Variants in PPM1D observed in about 807,000 individuals in gnomAD.
The protein encoded by PPM1D is protein phosphatase 1D.
PPM1D carries 52 observed loss-of-function variants against 58.3 expected under a neutral mutation model. The observed-to-expected ratio is 0.89, with a 90% CI of 0.71 to 1.12. The LOEUF is 1.12. Among genes scored for constraint, PPM1D ranks in the 50% most tolerant of loss-of-function variants. The probability of loss-of-function intolerance (pLI) is 0.00; values close to 1 mark genes in which losing one functional copy is unlikely to be tolerated. For missense variants in PPM1D, 564 were observed against 777.2 expected, an observed-to-expected ratio of 0.73 and a Z score of 3.26; for synonymous variants, 278 against 285.1, an observed-to-expected ratio of 0.98 and a Z score of 0.25.
At chr17:60,626,108 A>T (rs1053447486) in intron 2 of PPM1D, among the ~76,000 whole-genome samples, 3 of 151,440 alleles carry the variant, frequency 2.0e-5, no homozygotes, top group Admixed American at 6.6e-5. Context: ...TTTATTTCTA[A>T]TTTTTTTTTG....
At chr17:60,602,812 A>G (rs1268178858) in intron 1 of PPM1D, among the ~76,000 whole-genome samples, 1 of 143,838 alleles carries the variant, frequency 7.0e-6, no homozygotes, top group Non-Finnish European at 1.5e-5. Context: ...TATGCTAATT[A>G]TTTTGGGAGT....
intron 5 of PPM1D, among the ~76,000 whole-genome samples, chr17:60,661,219 CAAAAAAAAA>C (rs373913706): frequency 2.0e-5 from 1 of 48,960 alleles, no homozygotes; most frequent in Non-Finnish European, 4.8e-5. Flanking sequence ...AACTCCATCT[CAAAAAAAAA>C]AAAAAAAAAA....
At chr17:60,607,576 C>T (rs2030357651) in intron 1 of PPM1D, among the ~76,000 whole-genome samples, 2 of 152,332 alleles carry the variant, frequency 1.3e-5, no homozygotes, top group Admixed American at 1.3e-4. Context: ...GTTGGGATTA[C>T]AGGCGTGAGC....
At chr17:60,636,867 G>A (rs1295165700) in intron 3 of PPM1D, among the ~76,000 whole-genome samples, 1 of 151,386 alleles carries the variant, frequency 6.6e-6, no homozygotes, top group Non-Finnish European at 1.5e-5. Context: ...TTGTAGAGAC[G>A]TCTCGCTTTG....
chr17:60,654,495 C>T (rs1374124805), intron 4 of PPM1D, among the ~76,000 whole-genome samples: 1 of 143,096 alleles, frequency 7.0e-6, no homozygotes, highest in African/African-American at 2.6e-5. Flanking sequence ...CAGAGTGAGA[C>T]CCTGTCTCAA....
At chr17:60,645,520 A>AGTATATATATG (rs2031223240) in intron 3 of PPM1D, among the ~76,000 whole-genome samples, 1 of 133,148 alleles carries the variant, frequency 7.5e-6, no homozygotes, top group African/African-American at 3.1e-5. Flanking sequence ...GTGTATATAT[A>AGTATATATATG]TGTATATATA....
chr17:60,627,990 C>T (rs1446951264), intron 2 of PPM1D, among the ~76,000 whole-genome samples: 1 of 151,650 alleles, frequency 6.6e-6, no homozygotes, highest in Non-Finnish European at 1.5e-5. Context: ...GGTTCTCAGC[C>T]TCCGGAGTAG....
intron 2 of PPM1D, among the ~76,000 whole-genome samples, chr17:60,629,216 A>G (rs1400384305): frequency 6.6e-6 from 1 of 152,226 alleles, no homozygotes; most frequent in African/African-American, 2.4e-5. Context: ...GTACATTTCT[A>G]TTCGGAAGCA....
intron 3 of PPM1D, 48 bp downstream of exon 3, chr17:60,634,025 T>C (rs372730054): frequency 7.0e-5 from 111 of 1,590,482 alleles, no homozygotes; most frequent in Non-Finnish European, 9.5e-5. Flanking sequence ...TTCTACAATA[T>C]ATGGTGGCAA....
At chr17:60,631,678 GT>G (rs1248387741) in intron 2 of PPM1D, among the ~76,000 whole-genome samples, 1 of 151,940 alleles carries the variant, frequency 6.6e-6, no homozygotes, top group Non-Finnish European at 1.5e-5. Flanking sequence ...CACCCACAAT[GT>G]TTTCTGGTCA....
chr17:60,630,219 AAAG>A (rs1261890145), intron 2 of PPM1D, among the ~76,000 whole-genome samples: 1 of 151,962 alleles, frequency 6.6e-6, no homozygotes, highest in African/African-American at 2.4e-5. Flanking sequence ...AATGAACAAA[AAAG>A]GAAATAATTA....
chr17:60,648,775 T>TTC (rs2031293688), intron 4 of PPM1D, among the ~76,000 whole-genome samples: 1 of 150,480 alleles, frequency 6.6e-6, no homozygotes, highest in African/African-American at 2.4e-5. Context: ...TTTTTTTTTT[T>TTC]CTGACTGTCT....
At chr17:60,644,732 C>T (rs945878882) in intron 3 of PPM1D, among the ~76,000 whole-genome samples, 2 of 152,156 alleles carry the variant, frequency 1.3e-5, no homozygotes, top group Admixed American at 6.5e-5. Context: ...AAAAGAACTA[C>T]TGGAATTAAT....
At chr17:60,660,783 C>T (rs2031512786) in intron 5 of PPM1D, among the ~76,000 whole-genome samples, 2 of 151,984 alleles carry the variant, frequency 1.3e-5, no homozygotes, top group Admixed American at 1.3e-4. Flanking sequence ...AAGGAAGCTT[C>T]TGGATGCCTT....
intron 5 of PPM1D, among the ~76,000 whole-genome samples, chr17:60,657,704 A>G (rs966955980): frequency 1.3e-5 from 2 of 152,156 alleles, no homozygotes; most frequent in African/African-American, 4.8e-5. Flanking sequence ...CAAAAACCAC[A>G]TATGGCCAGA....
At chr17:60,634,479 G>A (rs2030986233) in intron 3 of PPM1D, among the ~76,000 whole-genome samples, 1 of 152,112 alleles carries the variant, frequency 6.6e-6, no homozygotes, top group Non-Finnish European at 1.5e-5. Flanking sequence ...CACGTTCAAT[G>A]TTTTGCTAAT....
intron 1 of PPM1D, among the ~76,000 whole-genome samples, chr17:60,607,376 G>A (rs527393652): frequency 7.2e-5 from 11 of 152,088 alleles, no homozygotes; most frequent in East Asian, 1.9e-4. Flanking sequence ...TCCACCTCCC[G>A]GGTTCAAGCG....
At chr17:60,637,588 T>C (rs1452763768) in intron 3 of PPM1D, among the ~76,000 whole-genome samples, 2 of 152,172 alleles carry the variant, frequency 1.3e-5, no homozygotes, top group Non-Finnish European at 2.9e-5. Flanking sequence ...AAGAATTGAT[T>C]TCAGGTGTTG....
In PPM1D at chr17:60,609,521, A is replaced by G. The variant is rs571009792; in HGVS notation, c.472+8635A>G. Among the ~76,000 whole-genome samples, 60 of 152,356 alleles carry G rather than the reference A, an allele frequency of 3.9e-4. No homozygotes were observed. In the Middle Eastern group the frequency reaches 0.01, roughly 26 times the overall value. ...GTTGAAATATTAAATATAAAATTCT[A>G]GAAATAAACAATTTGTAAGTTTAAC... is the stretch of plus-strand genomic sequence containing the variant. On this transcript the variant is annotated intron_variant, in intron 1 of 5. Coordinates refer to ENST00000305921, the MANE Select transcript of PPM1D (RefSeq NM_003620.4).
Sources: gnomAD v4.1 joint callset for allele counts (sites outside exome capture counted in the v4.1 genomes callset) on GRCh38, gnomAD v4.1.1 for gene constraint, MANE v1.5 for transcripts, NCBI Gene and HGNC (gene_info 2026-07-23, HGNC 2026-07-21) for gene names.